The following ANKRD17 variants were observed in gnomAD, a reference collection of about 807,000 sequenced individuals.
ANKRD17 encodes the protein ankyrin repeat domain 17.
A neutral mutation model predicts 229.7 loss-of-function variants in ANKRD17; 19 were observed. The observed-to-expected ratio is 0.08, with a 90% CI of 0.06 to 0.12. The LOEUF (loss-of-function observed/expected upper bound fraction) is 0.12, where lower values mean the gene tolerates loss of function less well. Among genes scored for constraint, ANKRD17 ranks in the 10% least tolerant of loss-of-function variants. ANKRD17 has a pLI of 1.00. For synonymous variants in ANKRD17, 1,112 were observed against 1,146.1 expected, an observed-to-expected ratio of 0.97 and a Z score of 0.60; for missense variants, 2,176 against 3,176.8, an observed-to-expected ratio of 0.68 and a Z score of 7.57.
Position 73,177,466 on chromosome 4 carries a change from A to G in ANKRD17, c.461T>C (p.Leu154Pro). 1 of 1,613,874 alleles carries G rather than the reference A, an allele frequency of 6.2e-7. No homozygotes were observed. Among genetic ancestry groups the G allele is most frequent in the Non-Finnish European group, 8.5e-7 (1 of 1,179,830 alleles). Residue 154 changes from leucine to proline, a missense_variant, in exon 2 of 34, where the codon CTC becomes CCC. Leu to Pro is a moderately conservative substitution (Grantham distance 98). Transcript: ENST00000358602. Reference sequence around the variant, plus strand: ...TGCACCATCAGCAGTACCTGATAAGAGCAACTTGGAAGCTGTTTCCAGCAT... The same window carrying G: ...TGCACCATCAGCAGTACCTGATAAGGGCAACTTGGAAGCTGTTTCCAGCAT... ...NPMLETASKL[L>P]LSGTADGADL...
chr4:73,242,211 A>C (rs554222642), intron 1 of ANKRD17, among the ~76,000 whole-genome samples: 24 of 152,328 alleles, frequency 1.6e-4, no homozygotes, highest in Middle Eastern at 3.4e-3. Flanking sequence ...TACTGGAATC[A>C]ATATGACATT....
intron 1 of ANKRD17, among the ~76,000 whole-genome samples, chr4:73,178,521 A>T (rs894507995): frequency 1.3e-5 from 2 of 152,136 alleles, no homozygotes; most frequent in Admixed American, 1.3e-4. Flanking sequence ...TGAAGAATAC[A>T]ATCATATCAG....
chr4:73,155,903 C>A, intron 4 of ANKRD17, 116 bp downstream of exon 4: 6 of 1,482,496 alleles, frequency 4.0e-6, no homozygotes, highest in Non-Finnish European at 5.4e-6. Context: ...ATTTATCTAA[C>A]AAAACTATTT....
At chr4:73,228,396 C>A (rs1359517674) in intron 1 of ANKRD17, among the ~76,000 whole-genome samples, 1 of 151,910 alleles carries the variant, frequency 6.6e-6, no homozygotes, top group African/African-American at 2.4e-5. Context: ...AAGTAATATT[C>A]TTTTTATTAC....
Position 73,135,228 on chromosome 4 carries a change from A to C in ANKRD17, c.3123T>G (p.Pro1041=), listed in dbSNP as rs1481858465. The part of the protein sequence containing the change: ...SGRASAMSNT[P]THSIAASISQ... ...AAATGGATGCAGCAATACTGTGGGT[A>C]GGAGTGTTTGACATTGCAGATGCTC... is the stretch of plus-strand genomic sequence containing the variant. The change falls in exon 16 of 34, where the codon CCT becomes CCG. Residue 1041 remains proline (P), a synonymous_variant. Transcript: ENST00000358602. 6.2e-7 allele frequency: 1 copy of C among 1,613,614 alleles called. No homozygotes were observed. The highest frequency in any genetic ancestry group is 8.5e-7 in the Non-Finnish European group (1 of 1,179,738).
intron 1 of ANKRD17, among the ~76,000 whole-genome samples, chr4:73,217,795 A>G (rs759319607): frequency 6.6e-6 from 1 of 152,250 alleles, no homozygotes; most frequent in Non-Finnish European, 1.5e-5. Context: ...GCATAAAACT[A>G]CATTCGGACT....
intron 15 of ANKRD17, among the ~76,000 whole-genome samples, chr4:73,138,974 A>G (rs922687170): frequency 6.0e-4 from 92 of 152,170 alleles, no homozygotes; most frequent in African/African-American, 2.1e-3. Flanking sequence ...TAACATTCAC[A>G]GGGGACAAAA....
At chr4:73,097,788 G>C (rs537156743) in intron 26 of ANKRD17, among the ~76,000 whole-genome samples, 7 of 151,412 alleles carry the variant, frequency 4.6e-5, no homozygotes, top group African/African-American at 1.7e-4. Context: ...ATTTAGCAGA[G>C]TTTAATCACA....
intron 24 of ANKRD17, among the ~76,000 whole-genome samples, chr4:73,110,424 T>G (rs1239446387): frequency 2.0e-5 from 3 of 152,224 alleles, no homozygotes; most frequent in Admixed American, 2.0e-4. Flanking sequence ...GGGCTCAGCC[T>G]CCCGAGTAGC....
intron 2 of ANKRD17, 112 bp from the exon 3 acceptor site, chr4:73,161,460 G>T: frequency 9.4e-7 from 1 of 1,061,646 alleles, no homozygotes; most frequent in Non-Finnish European, 1.4e-6. Context: ...CCAAATGGTA[G>T]AGTAGACATA....
At chr4:73,178,999 T>A (rs1336453711) in intron 1 of ANKRD17, among the ~76,000 whole-genome samples, 1 of 152,060 alleles carries the variant, frequency 6.6e-6, no homozygotes, top group East Asian at 1.9e-4. Flanking sequence ...ACAATCACGC[T>A]CATGCCTAGT....
At chr4:73,163,202 T>C (rs1004508572) in intron 2 of ANKRD17, among the ~76,000 whole-genome samples, 4 of 152,130 alleles carry the variant, frequency 2.6e-5, no homozygotes, top group Non-Finnish European at 5.9e-5. Flanking sequence ...TTTCTACATC[T>C]GGGGATCCAA....
chr4:73,258,303 G>A lies in ANKRD17; in HGVS notation c.366C>T (p.Asp122=). The change falls in exon 1 of 34, where the codon GAC becomes GAT. Residue 122 remains aspartate (D), a synonymous_variant. Coordinates refer to ENST00000358602, the MANE Select transcript of ANKRD17 (RefSeq NM_032217.5). Reference sequence around the variant, plus strand: ...CAGAAACCTCCTCTTCCTCGTCGTCGTCGTCCTCTTCTTCCTCGCTGTTGT... The same window carrying A: ...CAGAAACCTCCTCTTCCTCGTCGTCATCGTCCTCTTCTTCCTCGCTGTTGT... The part of the protein sequence containing the change: ...SSNNSEEEED[D]DDEEEEVSEV... 4 of 1,613,608 alleles carry A rather than the reference G, an allele frequency of 2.5e-6. No homozygotes were observed. Among genetic ancestry groups the A allele is most frequent in the Non-Finnish European group, 3.4e-6 (4 of 1,179,978 alleles).
In ANKRD17 at chr4:73,074,584, A is replaced by G. The variant is rs1720890176; in HGVS notation, c.*1647T>C. On this transcript the variant is annotated 3_prime_UTR_variant, in exon 34 of 34. Transcript: ENST00000358602. Reference sequence around the variant, plus strand: ...GTGTACTGTTTACAAATTTCTGGATATGTTTGAGAAGTCATCTTTTTACTC... The same window carrying G: ...GTGTACTGTTTACAAATTTCTGGATGTGTTTGAGAAGTCATCTTTTTACTC... 6.6e-6 allele frequency: 1 copy of G among 151,900 alleles called. No individual in the cohort carries two copies. Among genetic ancestry groups the G allele is most frequent in the African/African-American group, 2.4e-5 (1 of 41,418 alleles). 9.4% of individuals were successfully genotyped at this position (151,900 alleles called of 1,614,324 possible).
At chr4:73,185,755 C>T (rs925744311) in intron 1 of ANKRD17, among the ~76,000 whole-genome samples, 1 of 151,924 alleles carries the variant, frequency 6.6e-6, no homozygotes, top group Non-Finnish European at 1.5e-5. Context: ...ATAACTCATA[C>T]ATATAAAACA....
chr4:73,247,376 T>A (rs908611993), intron 1 of ANKRD17, among the ~76,000 whole-genome samples: 7 of 152,010 alleles, frequency 4.6e-5, no homozygotes, highest in African/African-American at 1.7e-4. Context: ...CAGGAATCCA[T>A]CCCAAAGAAA....
chr4:73,253,682 T>C (rs1350276721), intron 1 of ANKRD17, among the ~76,000 whole-genome samples: 1 of 152,246 alleles, frequency 6.6e-6, no homozygotes, highest in East Asian at 1.9e-4. Context: ...TGAATAAGTA[T>C]TCATTTTTAT....
chr4:73,227,652 T>C (rs968070229), intron 1 of ANKRD17, among the ~76,000 whole-genome samples: 1 of 151,948 alleles, frequency 6.6e-6, no homozygotes, highest in African/African-American at 2.4e-5. Context: ...AATGTTCAAA[T>C]ATCCAAAATG....
At chr4:73,248,406 G>A (rs895954866) in intron 1 of ANKRD17, among the ~76,000 whole-genome samples, 28 of 151,966 alleles carry the variant, frequency 1.8e-4, no homozygotes, top group Middle Eastern at 6.8e-3. Flanking sequence ...GGATTTATAC[G>A]GGGCTAAAAT....
Sources: allele counts gnomAD v4.1 joint callset (sites outside exome capture counted in the v4.1 genomes callset), GRCh38; gene constraint gnomAD v4.1.1; transcripts MANE v1.5; gene names NCBI Gene and HGNC (gene_info 2026-07-23, HGNC 2026-07-21).